Variants in EPHA8 observed in about 807,000 individuals in gnomAD.
EPHA8 encodes ephrin type-A receptor 8.
In EPHA8, 58 loss-of-function variants were observed where a neutral mutation model predicts 103.6. The observed-to-expected ratio is 0.56, with a 90% CI of 0.45 to 0.70. The LOEUF (loss-of-function observed/expected upper bound fraction) is 0.70, where lower values mean the gene tolerates loss of function less well. Ranked by LOEUF, EPHA8 falls within the 30% of genes least tolerant of loss-of-function variation. The probability of loss-of-function intolerance (pLI) is 0.00; values close to 1 mark genes in which losing one functional copy is unlikely to be tolerated. For synonymous variants in EPHA8, 559 were observed against 572.5 expected (o/e 0.98, Z 0.34); for missense variants, 1,304 against 1,395.2 (o/e 0.93, Z 1.04).
chr1:22,576,115 T>A lies in EPHA8; in HGVS notation c.160-102T>A. The stretch of plus-strand genomic sequence containing the variant: ...AGCCACCAGGAGGCCAGCTCCTTTG[T>A]CTTTTTTTTTGCCAGCGTCCCCAGC... On this transcript the variant is annotated intron_variant, in intron 2 of 16. Transcript: ENST00000166244. This position sits in a 1 kb window ranked among gnomAD's most constrained non-coding sequence, Gnocchi z 4.8. 7.3e-7 allele frequency: 1 copy of A among 1,376,888 alleles called. No individual in the cohort carries two copies. The highest frequency in any genetic ancestry group is 9.9e-7 in the Non-Finnish European group (1 of 1,010,884). The allele number at this position is 1,376,888 out of a possible 1,614,324, so 85.3% of individuals were successfully genotyped here. A position where few individuals can be genotyped will look rare whatever the true frequency, so the allele number is the denominator to read the frequency against.
intron 3 of EPHA8, among the ~76,000 whole-genome samples, chr1:22,577,181 C>T (rs997911879): frequency 6.6e-6 from 1 of 152,158 alleles, no homozygotes; most frequent in Non-Finnish European, 1.5e-5. Flanking sequence ...ATTGGGTATG[C>T]TATGGGATTC....
intron 3 of EPHA8, among the ~76,000 whole-genome samples, chr1:22,581,793 T>G (rs1022092440): frequency 3.3e-5 from 5 of 152,262 alleles, no homozygotes; most frequent in Non-Finnish European, 7.3e-5. Context: ...TTACAGGTTT[T>G]ATAAAAAATA....
In EPHA8 at chr1:22,603,028, A is replaced by G. The variant is rs1641783304; in HGVS notation, c.*1287A>G. 1 of 152,560 alleles carries G rather than the reference A, an allele frequency of 6.6e-6. No individual in the cohort carries two copies. Among genetic ancestry groups the G allele is most frequent in the African/African-American group, 2.4e-5 (1 of 41,438 alleles). The allele number at this position is 152,560 out of a possible 1,614,324, so 9.5% of individuals were successfully genotyped here. On this transcript the variant is annotated 3_prime_UTR_variant, in exon 17 of 17. Coordinates refer to ENST00000166244, the MANE Select transcript of EPHA8 (RefSeq NM_020526.5). ...TTTTTTCCTCACTCCTGACAATGCAAAAATGGTCTTCAAAGCACATAAAAA... is the reference window on the plus strand; with the variant it reads ...TTTTTTCCTCACTCCTGACAATGCAGAAATGGTCTTCAAAGCACATAAAAA...
At chr1:22,574,557 T>A in intron 2 of EPHA8, among the ~76,000 whole-genome samples, 1 of 152,210 alleles carries the variant, frequency 6.6e-6, no homozygotes, top group African/African-American at 2.4e-5. Context: ...ATACATGGAA[T>A]CCTAACTATT....
chr1:22,585,020 C>T (rs891618795), intron 3 of EPHA8, among the ~76,000 whole-genome samples: 32 of 117,868 alleles, frequency 2.7e-4, no homozygotes, highest in African/African-American at 1.4e-3. Flanking sequence ...GGGGAATGGT[C>T]GTTTCTCTGT....
intron 9 of EPHA8, 44 bp downstream of exon 9, chr1:22,596,217 A>G: frequency 1.3e-6 from 2 of 1,586,852 alleles, no homozygotes; most frequent in East Asian, 2.2e-5. Context: ...GGAAGGCCAC[A>G]GGGGGACCCA....
At chr1:22,596,877 C>T (rs1445768104) in intron 9 of EPHA8, among the ~76,000 whole-genome samples, 2 of 152,048 alleles carry the variant, frequency 1.3e-5, no homozygotes, top group African/African-American at 2.4e-5. Flanking sequence ...AGGCTGGTCT[C>T]GAACTCTTGA....
rs1641317299 is a variant in EPHA8, at chr1:22,589,415, C to T, written c.1315+209C>T. On this transcript the variant is annotated intron_variant, in intron 5 of 16. Coordinates refer to ENST00000166244, the MANE Select transcript of EPHA8 (RefSeq NM_020526.5). This position sits in a 1 kb window ranked among gnomAD's most constrained non-coding sequence, Gnocchi z 4.3. ...CACATTCTATAAGTAAGAGAAATCC[C>T]AAAAGCTCAGAGGCAGGCTAGTGTG... The T allele has an allele frequency of 6.6e-7, 1 of 1,504,142 alleles. No individual in the cohort carries two copies. Among genetic ancestry groups the T allele is most frequent in the African/African-American group, 1.4e-5 (1 of 71,768 alleles). The allele number at this position is 1,504,142 out of a possible 1,614,324, so 93.2% of individuals were successfully genotyped here.
intron 13 of EPHA8, among the ~76,000 whole-genome samples, chr1:22,599,953 G>GA (rs1641660340): frequency 1.3e-5 from 1 of 76,678 alleles, no homozygotes; most frequent in Admixed American, 1.2e-4. Context: ...GGGAGGGAGG[G>GA]AGGGAGGAAG....
Position 22,597,847 on chromosome 1 carries a change from G to C in EPHA8, c.2102G>C (p.Gly701Ala). 1 of 1,610,214 alleles carries C rather than the reference G, an allele frequency of 6.2e-7. No individual in the cohort carries two copies. The highest frequency in any genetic ancestry group is 1.1e-5 in the South Asian group (1 of 90,656). ...FDHPNIIRLE[G>A]VVTRGRLAMI... ...CATCCCAACATCATCCGCCTCGAGG[G>C]TGTCGTCACCCGTGGTAGGTGCCGG... The change falls in exon 11 of 17, where the codon GGT (glycine) becomes GCT (alanine). Residue 701 changes from glycine (G) to alanine (A), a missense_variant. Physicochemically the swap from Gly to Ala is moderately conservative, Grantham distance 60. Transcript: ENST00000166244. The surrounding 1 kb of genome is among the most constrained non-coding windows in gnomAD (Gnocchi z 4.6).
intron 3 of EPHA8, among the ~76,000 whole-genome samples, chr1:22,578,380 A>G (rs1640846476): frequency 9.2e-6 from 1 of 108,928 alleles, no homozygotes; most frequent in Non-Finnish European, 1.9e-5. Context: ...GTGCTTTAGT[A>G]TATGTATGCA....
Position 22,598,647 on chromosome 1 carries a change from G to T in EPHA8, c.2179-191G>T, listed in dbSNP as rs1381158869. ...CATTGCTGCCCCACGTACCTCGCAG[G>T]GTTGCTGTGAGGGTAAATGAGACCA... is the stretch of plus-strand genomic sequence containing the variant. On this transcript the variant is annotated intron_variant, in intron 12 of 16. Transcript: ENST00000166244. The surrounding 1 kb of genome is among the most constrained non-coding windows in gnomAD (Gnocchi z 5.1). Among the ~76,000 whole-genome samples the T allele has an allele frequency of 1.3e-5, 2 of 152,184 alleles. No individual in the cohort carries two copies. The highest frequency in any genetic ancestry group is 2.9e-5 in the Non-Finnish European group (2 of 68,034).
intron 3 of EPHA8, among the ~76,000 whole-genome samples, chr1:22,577,663 A>G (rs1226109377): frequency 6.6e-6 from 1 of 152,106 alleles, no homozygotes; most frequent in East Asian, 1.9e-4. Context: ...CCCCTGGGCC[A>G]TGACTTAGGG....
Position 22,597,819 on chromosome 1 carries a change from G to A in EPHA8, c.2074G>A (p.Asp692Asn), listed in dbSNP as rs763837839. Residue 692 changes from aspartate to asparagine, a missense_variant, in exon 11 of 17, where the codon GAC becomes AAC. Asp to Asn is a conservative substitution (Grantham distance 23). Coordinates refer to ENST00000166244, the MANE Select transcript of EPHA8 (RefSeq NM_020526.5). The surrounding 1 kb of genome is among the most constrained non-coding windows in gnomAD (Gnocchi z 4.6). ...CGAGGCGTCCATCATGGGGCAATTCGACCATCCCAACATCATCCGCCTCGA... is the reference window on the plus strand; with the variant it reads ...CGAGGCGTCCATCATGGGGCAATTCAACCATCCCAACATCATCCGCCTCGA... Reference protein sequence around the residue: ...LSEASIMGQFDHPNIIRLEGV... With the variant: ...LSEASIMGQFNHPNIIRLEGV... 6.8e-6 allele frequency: 11 copies of A among 1,612,872 alleles called. No homozygotes were observed. Among genetic ancestry groups the A allele is most frequent in the Admixed American group, 1.7e-5 (1 of 59,958 alleles).
At position 22,589,144 on chromosome 1, in the gene EPHA8, T is replaced by C; in HGVS notation, c.1253T>C (p.Val418Ala). 1 of 1,613,902 alleles carries C rather than the reference T, an allele frequency of 6.2e-7. No homozygotes were observed. The highest frequency in any genetic ancestry group is 1.3e-5 in the African/African-American group (1 of 75,070). The change falls in exon 5 of 17, where the codon GTG (valine) becomes GCG (alanine). Residue 418 changes from valine to alanine, a missense_variant. Val to Ala is a moderately conservative substitution (Grantham distance 64, BLOSUM62 0). Coordinates refer to ENST00000166244, the MANE Select transcript of EPHA8 (RefSeq NM_020526.5). The surrounding 1 kb of genome is among the most constrained non-coding windows in gnomAD (Gnocchi z 4.3). ...YSFWIEAVNG[V>A]SDLSPEPRRA... is the part of the protein sequence containing the mutation. ...TTCTGGATCGAGGCCGTCAATGGCG[T>C]GTCCGACCTGAGCCCCGAGCCCCGC...
rs556643544 is a variant in EPHA8 at position 22,572,468 on chromosome 1, C to G, written c.159+3115C>G. On this transcript the variant is annotated intron_variant, in intron 2 of 16. Coordinates refer to ENST00000166244, the MANE Select transcript of EPHA8 (RefSeq NM_020526.5). ...CTGGGGGAGGTCTGGCCCAGACCCC[C>G]TGCTCTTCATCAGGCTGCGTCCTTC... Among the ~76,000 whole-genome samples the G allele has an allele frequency of 6.6e-5, 10 of 152,366 alleles. No homozygotes were observed. The South Asian group carries it at 1.9e-3, about 28-fold the overall frequency.
At chr1:22,574,274 C>T (rs746518561) in intron 2 of EPHA8, among the ~76,000 whole-genome samples, 2 of 152,064 alleles carry the variant, frequency 1.3e-5, no homozygotes, top group Admixed American at 6.6e-5. Context: ...CCACCGCGCC[C>T]GGCCAGGCAT....
At chr1:22,572,714 C>T (rs889966165) in intron 2 of EPHA8, among the ~76,000 whole-genome samples, 4 of 152,224 alleles carry the variant, frequency 2.6e-5, no homozygotes, top group Non-Finnish European at 4.4e-5. Flanking sequence ...CCTCACCAAG[C>T]GCTGCACAGC....
chr1:22,574,570 T>G (rs895733120), intron 2 of EPHA8, among the ~76,000 whole-genome samples: 1 of 152,258 alleles, frequency 6.6e-6, no homozygotes, highest in African/African-American at 2.4e-5. Context: ...TAACTATTTG[T>G]TTTTTGTTTC....
Sources: allele counts gnomAD v4.1 joint callset (sites outside exome capture counted in the v4.1 genomes callset), GRCh38; gene constraint gnomAD v4.1.1; non-coding constraint Gnocchi (gnomAD v3.1); transcripts MANE v1.5; gene names NCBI Gene and HGNC (gene_info 2026-07-23, HGNC 2026-07-21).